PDE4D: variants seen among roughly 807,000 people sequenced by gnomAD.
The protein encoded by PDE4D is phosphodiesterase 4D, also known as 3',5'-cyclic-AMP phosphodiesterase 4D.
A neutral mutation model predicts 87.4 loss-of-function variants in PDE4D; 24 were observed. The ratio of observed to expected loss-of-function variants is 0.27; its 90% CI spans 0.20 to 0.39. The LOEUF (loss-of-function observed/expected upper bound fraction) is 0.39, where lower values mean the gene tolerates loss of function less well. Among genes scored for constraint, PDE4D ranks in the 10% least tolerant of loss-of-function variants. PDE4D has a pLI of 1.00. For missense variants in PDE4D, 714 were observed against 1,041.0 expected (o/e 0.69, Z 4.32); for synonymous variants, 384 against 383.2 (o/e 1.00, Z -0.02).
chr5:60,476,865 A>G (rs1383182675), intron 1 of PDE4D, among the ~76,000 whole-genome samples: 6 of 152,182 alleles, frequency 3.9e-5, no homozygotes, highest in Non-Finnish European at 1.5e-5. Context: ...CAAGCATTAA[A>G]TTATGTATTC....
intron 1 of PDE4D, among the ~76,000 whole-genome samples, chr5:60,497,277 A>G (rs2150242015): frequency 6.6e-6 from 1 of 152,338 alleles, no homozygotes; most frequent in East Asian, 1.9e-4. Flanking sequence ...ATTTCTGCCA[A>G]AATGATGTGG....
Position 59,952,610 on chromosome 5 carries a change from A to T in PDE4D, c.272+35878T>A, listed in dbSNP as rs528893506. Among the ~76,000 whole-genome samples the T allele has an allele frequency of 2.0e-5, 3 of 152,350 alleles. No homozygotes were observed. In the South Asian group the frequency reaches 6.2e-4, roughly 32 times the overall value. ...TACTTGTTGTTGATCCAACCCATGA[A>T]GTGTGGTTGAAGTGATGCTCTGTGG... On this transcript the variant is annotated intron_variant, in intron 3 of 16. Transcript: ENST00000502484.
At chr5:59,629,132 A>T (rs923883438) in intron 1 of PDE4D, among the ~76,000 whole-genome samples, 1 of 152,136 alleles carries the variant, frequency 6.6e-6, no homozygotes, top group Non-Finnish European at 1.5e-5. Flanking sequence ...GGGAACTACA[A>T]TTCAGGATAT....
intron 3 of PDE4D, among the ~76,000 whole-genome samples, chr5:59,913,915 G>T (rs1753712099): frequency 6.6e-6 from 1 of 151,978 alleles, no homozygotes; most frequent in Admixed American, 6.6e-5. Flanking sequence ...TATAATTTGT[G>T]CACTGCTGTA....
intron 1 of PDE4D, among the ~76,000 whole-genome samples, chr5:59,749,848 C>T (rs1760167278): frequency 6.6e-6 from 1 of 152,074 alleles, no homozygotes; most frequent in Admixed American, 6.6e-5. Flanking sequence ...AACCTCCATG[C>T]AGAAATCTAA....
At chr5:59,175,295 A>C (rs1783640195) in intron 5 of PDE4D, among the ~76,000 whole-genome samples, 1 of 152,162 alleles carries the variant, frequency 6.6e-6, no homozygotes, top group Non-Finnish European at 1.5e-5. Flanking sequence ...GTGAAAACAA[A>C]ATCATAAATG....
chr5:60,194,264 T>C (rs1022568386), intron 1 of PDE4D, among the ~76,000 whole-genome samples: 1 of 151,634 alleles, frequency 6.6e-6, no homozygotes, highest in African/African-American at 2.4e-5. Context: ...TAGACCTCCA[T>C]ATCACAAAAT....
intron 1 of PDE4D, among the ~76,000 whole-genome samples, chr5:59,524,366 A>C (rs1812717954): frequency 6.6e-6 from 1 of 152,130 alleles, no homozygotes; most frequent in Admixed American, 6.6e-5. Context: ...ACTTGTTAGA[A>C]ACTGGAGTAA....
At chr5:59,474,569 C>A (rs1040058744) in intron 1 of PDE4D, among the ~76,000 whole-genome samples, 1 of 152,076 alleles carries the variant, frequency 6.6e-6, no homozygotes, top group Non-Finnish European at 1.5e-5. Flanking sequence ...GGATTCATTA[C>A]ATCATTTTTC....
At chr5:60,484,028 G>T (rs1168678249) in intron 1 of PDE4D, among the ~76,000 whole-genome samples, 1 of 151,938 alleles carries the variant, frequency 6.6e-6, no homozygotes, top group Non-Finnish European at 1.5e-5. Context: ...TAAAAATTTG[G>T]GATTCAAAAC....
At chr5:60,315,503 T>A (rs1000450695) in intron 1 of PDE4D, among the ~76,000 whole-genome samples, 1 of 152,226 alleles carries the variant, frequency 6.6e-6, no homozygotes. Context: ...AGATCCCATT[T>A]GTCAATTTTG....
intron 1 of PDE4D, among the ~76,000 whole-genome samples, chr5:59,608,015 C>A (rs1828456368): frequency 6.6e-6 from 1 of 152,162 alleles, no homozygotes; most frequent in Middle Eastern, 3.4e-3. Flanking sequence ...AGAAAATAAA[C>A]CTCTCTACTT....
At chr5:59,972,520 CA>C (rs1197181074) in intron 3 of PDE4D, among the ~76,000 whole-genome samples, 1 of 152,190 alleles carries the variant, frequency 6.6e-6, no homozygotes, top group Non-Finnish European at 1.5e-5. Flanking sequence ...AAACTGAAAC[CA>C]AAATACTTTT....
At chr5:59,822,741 T>C (rs1057034978) in intron 1 of PDE4D, among the ~76,000 whole-genome samples, 1 of 152,188 alleles carries the variant, frequency 6.6e-6, no homozygotes, top group African/African-American at 2.4e-5. Flanking sequence ...CAATCCAGCT[T>C]TATACGTGGC....
In PDE4D at chr5:59,952,558, C is replaced by T. The variant is rs560219891; in HGVS notation, c.272+35930G>A. ...TGGTAGAATCTATGAGTTGGATTTA[C>T]GTTCTTTTCCTTTGAATATTGAAGG... On this transcript the variant is annotated intron_variant, in intron 3 of 16. Transcript: ENST00000502484. 3.9e-5 allele frequency among the ~76,000 whole-genome samples: 6 copies of T among 152,270 alleles called. No homozygotes were observed. The East Asian group carries it at 5.8e-4, about 15-fold the overall frequency.
At chr5:60,306,058 T>C (rs116435103) in intron 1 of PDE4D, among the ~76,000 whole-genome samples, 132 of 152,216 alleles carry the variant, frequency 8.7e-4, no homozygotes, top group African/African-American at 3.0e-3. Flanking sequence ...ATTGTTCATA[T>C]ATTAGATAGA....
intron 1 of PDE4D, among the ~76,000 whole-genome samples, chr5:60,216,229 G>A (rs75469277): frequency 0.027 from 4,131 of 152,144 alleles, 204 homozygotes; most frequent in African/African-American, 0.094. Flanking sequence ...ATTGCATCTT[G>A]TATTTCTATT....
At chr5:58,987,690 A>G (rs1746790087) in intron 11 of PDE4D, among the ~76,000 whole-genome samples, 1 of 152,202 alleles carries the variant, frequency 6.6e-6, no homozygotes, top group African/African-American at 2.4e-5. Context: ...ACAACTTTGC[A>G]TATTTTTTAT....
chr5:59,495,002 G>A (rs116123371), intron 1 of PDE4D, among the ~76,000 whole-genome samples: 1,575 of 152,260 alleles, frequency 0.01, 22 homozygotes, highest in African/African-American at 0.036. Context: ...ACCTAAGGCT[G>A]TTATTTTCAT....
Sources: gnomAD v4.1 joint callset for allele counts (sites outside exome capture counted in the v4.1 genomes callset) on GRCh38, gnomAD v4.1.1 for gene constraint, MANE v1.5 for transcripts, NCBI Gene and HGNC (gene_info 2026-07-23, HGNC 2026-07-21) for gene names.